The following MRTFA variants were observed in gnomAD, a reference collection of about 807,000 sequenced individuals.
MRTFA encodes the protein myocardin related transcription factor A.
Under a neutral mutation model 83.5 loss-of-function variants are expected in MRTFA, and 20 were observed. The observed-to-expected ratio is 0.24, with a 90% CI of 0.17 to 0.35. The LOEUF (loss-of-function observed/expected upper bound fraction) is 0.35, where lower values mean the gene tolerates loss of function less well. MRTFA is among the 10% of genes least tolerant of loss of function. The pLI is 1.00. For missense variants in MRTFA, 1,200 were observed against 1,224.7 expected, an observed-to-expected ratio of 0.98 and a Z score of 0.30; for synonymous variants, 659 against 541.2, an observed-to-expected ratio of 1.22 and a Z score of -3.02.
Position 40,411,754 on chromosome 22 carries a change from G to C in MRTFA, c.2732C>G (p.Pro911Arg). The change falls in exon 15 of 15, where the codon CCT becomes CGT. Residue 911 changes from proline to arginine, a missense_variant. Transcript: ENST00000355630. ...CTCCAGGAAGTCCTCCAGGCGTCCA[G>C]GGAGGGAGGGTGAGCCTGGAGGAGG... 6.5e-7 allele frequency: 1 copy of C among 1,543,674 alleles called. No homozygotes were observed. The highest frequency in any genetic ancestry group is 8.8e-7 in the Non-Finnish European group (1 of 1,139,216).
chr22:40,530,442 A>G (rs772935837), intron 3 of MRTFA, among the ~76,000 whole-genome samples: 1 of 152,174 alleles, frequency 6.6e-6, no homozygotes, highest in Non-Finnish European at 1.5e-5. Flanking sequence ...GACTACAGAC[A>G]TGCACCACCA....
At chr22:40,506,200 C>G (rs1430900714) in intron 3 of MRTFA, among the ~76,000 whole-genome samples, 1 of 152,102 alleles carries the variant, frequency 6.6e-6, no homozygotes, top group Non-Finnish European at 1.5e-5. Context: ...TGCCACTGCA[C>G]TCCAGCCACT....
intron 3 of MRTFA, among the ~76,000 whole-genome samples, chr22:40,515,143 G>A (rs754003647): frequency 3.4e-4 from 52 of 151,810 alleles, no homozygotes; most frequent in Non-Finnish European, 6.6e-4. Context: ...TCCTGACCTT[G>A]TGATCCACCT....
At chr22:40,459,818 CACACATATATACATAT>C (rs1304751490) in intron 4 of MRTFA, among the ~76,000 whole-genome samples, 3 of 90,210 alleles carry the variant, frequency 3.3e-5, no homozygotes, top group African/African-American at 1.5e-4. Flanking sequence ...CACACACACA[CACACATATATACATAT>C]ATATATATAT....
At chr22:40,481,377 T>C (rs183308662) in intron 3 of MRTFA, among the ~76,000 whole-genome samples, 1 of 152,266 alleles carries the variant, frequency 6.6e-6, no homozygotes, top group Non-Finnish European at 1.5e-5. Flanking sequence ...TAGGTGATAC[T>C]TACAGGTGAT....
At chr22:40,536,896 C>T (rs2055187874) in intron 3 of MRTFA, among the ~76,000 whole-genome samples, 2 of 66,016 alleles carry the variant, frequency 3.0e-5, no homozygotes, top group Non-Finnish European at 6.1e-5. Flanking sequence ...AGTGAGGAGC[C>T]CCTCCGCCCG....
chr22:40,611,007 G>A (rs560739790), intron 1 of MRTFA, among the ~76,000 whole-genome samples: 15 of 145,690 alleles, frequency 1.0e-4, no homozygotes, highest in South Asian at 8.6e-4. Context: ...ATGCCATCTC[G>A]GCTCACTGCA....
At chr22:40,551,180 T>C (rs1259398557) in intron 3 of MRTFA, among the ~76,000 whole-genome samples, 1 of 152,016 alleles carries the variant, frequency 6.6e-6, no homozygotes, top group Admixed American at 6.6e-5. Context: ...TAACAAATTA[T>C]AGATTTTTTT....
At chr22:40,455,395 C>A (rs1258539420) in intron 4 of MRTFA, among the ~76,000 whole-genome samples, 1 of 151,848 alleles carries the variant, frequency 6.6e-6, no homozygotes, top group East Asian at 1.9e-4. Flanking sequence ...ACCTGTAATC[C>A]CAGCACTTTG....
chr22:40,421,085 A>G lies in MRTFA; in HGVS notation c.943T>C (p.Ser315Pro). 6.5e-7 allele frequency: 1 copy of G among 1,531,742 alleles called. No individual in the cohort carries two copies. Among genetic ancestry groups the G allele is most frequent in the East Asian group, 2.3e-5 (1 of 43,304 alleles). The allele number at this position is 1,531,742 out of a possible 1,614,324, so 94.9% of individuals were successfully genotyped here. A position where few individuals can be genotyped will look rare whatever the true frequency, so the allele number is the denominator to read the frequency against. ...CTGCGCTGTGACTTCTCACTGGCAGACTTGGGTTGGCTTTGCTGAGGGCAC... is the reference window on the plus strand; with the variant it reads ...CTGCGCTGTGACTTCTCACTGGCAGGCTTGGGTTGGCTTTGCTGAGGGCAC... The change falls in exon 10 of 15, where the codon TCT becomes CCT. Residue 315 changes from serine (S) to proline (P), a missense_variant. Transcript: ENST00000355630.
rs143140975 is a variant in MRTFA at position 40,421,410 on chromosome 22, T to G, written c.928-310A>C. ...CACAAGGAGGTAAAACCCAGCTGACTGATGGAGCTCGGGCTGCGCCAGACC... is the reference window on the plus strand; with the variant it reads ...CACAAGGAGGTAAAACCCAGCTGACGGATGGAGCTCGGGCTGCGCCAGACC... On this transcript the variant is annotated intron_variant, in intron 9 of 14. Coordinates refer to ENST00000355630, the MANE Select transcript of MRTFA (RefSeq NM_020831.6). 3.1e-3 allele frequency among the ~76,000 whole-genome samples: 474 copies of G among 152,254 alleles called. 3 individuals are homozygous for G. The highest frequency in any genetic ancestry group is 0.011 in the African/African-American group (454 of 41,544).
chr22:40,435,661 G>C (rs780709154), intron 4 of MRTFA, 107 bp from the exon 5 acceptor site: 383 of 1,253,872 alleles, frequency 3.1e-4, no homozygotes, highest in Non-Finnish European at 4.1e-4. Context: ...GGCTGGGCGT[G>C]GTGGCTCACG....
chr22:40,502,448 A>C (rs549262472), intron 3 of MRTFA, among the ~76,000 whole-genome samples: 1,928 of 116,284 alleles, frequency 0.017, 76 homozygotes, highest in African/African-American at 0.063. Flanking sequence ...GGCGCTCCCC[A>C]CATCTCAGAC....
chr22:40,607,243 G>A (rs2056328676), intron 1 of MRTFA, among the ~76,000 whole-genome samples: 2 of 152,110 alleles, frequency 1.3e-5, no homozygotes, highest in South Asian at 2.1e-4. Context: ...GGTGGCTCAC[G>A]CTTGTAATCC....
intron 3 of MRTFA, among the ~76,000 whole-genome samples, chr22:40,538,718 CCT>C (rs1199641830): frequency 6.6e-6 from 1 of 152,016 alleles, no homozygotes; most frequent in African/African-American, 2.4e-5. Context: ...AGTCTGAACC[CCT>C]GTGAAAGCTT....
intron 3 of MRTFA, among the ~76,000 whole-genome samples, chr22:40,488,420 T>C (rs771036524): frequency 1.6e-4 from 24 of 152,248 alleles, no homozygotes; most frequent in Non-Finnish European, 3.1e-4. Flanking sequence ...TAAAATCAAA[T>C]AAAATTAGCA....
At chr22:40,470,241 A>ATC (rs2053879081) in intron 3 of MRTFA, among the ~76,000 whole-genome samples, 1 of 29,768 alleles carries the variant, frequency 3.4e-5, no homozygotes, top group Admixed American at 3.3e-4. Flanking sequence ...TTATATATAT[A>ATC]TATATATATA....
intron 2 of MRTFA, among the ~76,000 whole-genome samples, chr22:40,580,025 CAA>C (rs1192437637): frequency 6.6e-6 from 1 of 152,092 alleles, no homozygotes; most frequent in Non-Finnish European, 1.5e-5. Flanking sequence ...AAAATATGGA[CAA>C]GTGGTGATTT....
intron 1 of MRTFA, among the ~76,000 whole-genome samples, chr22:40,614,605 A>G (rs1274854117): frequency 2.0e-5 from 3 of 152,104 alleles, no homozygotes; most frequent in African/African-American, 7.2e-5. Flanking sequence ...CTCCTGCCTC[A>G]GCCTCCCAAG....
Sources: allele counts gnomAD v4.1 joint callset (sites outside exome capture counted in the v4.1 genomes callset), GRCh38; gene constraint gnomAD v4.1.1; transcripts MANE v1.5; gene names NCBI Gene and HGNC (gene_info 2026-07-23, HGNC 2026-07-21).